Variants in UNC13A observed in about 807,000 individuals in gnomAD.
UNC13A encodes the protein protein unc-13 homolog A.
In UNC13A, 61 loss-of-function variants were observed where a neutral mutation model predicts 219.7. That is an observed-to-expected ratio of 0.28 (90% CI 0.23 to 0.34). UNC13A has a LOEUF of 0.34. UNC13A is among the 10% of genes least tolerant of loss of function. The probability of loss-of-function intolerance (pLI) is 1.00; values close to 1 mark genes in which losing one functional copy is unlikely to be tolerated. For synonymous variants in UNC13A, 920 were observed against 884.6 expected (o/e 1.04, Z -0.71); for missense variants, 1,476 against 2,270.3 (o/e 0.65, Z 7.11).
intron 1 of UNC13A, among the ~76,000 whole-genome samples, chr19:17,680,869 C>CTTTTTTTTTTTTTTTTT (rs71162171): frequency 9.4e-6 from 1 of 106,436 alleles, no homozygotes; most frequent in Non-Finnish European, 1.8e-5. Context: ...TCTTCTTCTT[C>CTTTTTTTTTTTTTTTTT]TTTTTTTTTC....
intron 12 of UNC13A, among the ~76,000 whole-genome samples, chr19:17,651,833 A>C (rs2079354605): frequency 6.6e-6 from 1 of 152,180 alleles, no homozygotes; most frequent in Non-Finnish European, 1.5e-5. Flanking sequence ...CCAAGGACGT[A>C]CAAGGAAGGT....
In UNC13A at chr19:17,649,349, A is replaced by G. The variant is rs1241714628; in HGVS notation, c.1519-5T>C. 2.5e-6 allele frequency: 4 copies of G among 1,596,194 alleles called. No homozygotes were observed. The East Asian group carries it at 6.8e-5, about 27-fold the overall frequency. On this transcript the variant is annotated splice_region_variant and splice_polypyrimidine_tract_variant and intron_variant, in intron 13 of 43. Coordinates refer to ENST00000519716, the MANE Select transcript of UNC13A (RefSeq NM_001080421.3). This position sits in a 1 kb window ranked among gnomAD's most constrained non-coding sequence, Gnocchi z 4.4. Reference sequence around the variant, plus strand: ...GTCGCCATCACTCACCATGGCCTGAAGTGTCCACGCAGCACATGGGGGTAG... The same window carrying G: ...GTCGCCATCACTCACCATGGCCTGAGGTGTCCACGCAGCACATGGGGGTAG...
At chr19:17,681,069 CTTTTTTTT>C (rs71929988) in intron 1 of UNC13A, among the ~76,000 whole-genome samples, 2 of 96,076 alleles carry the variant, frequency 2.1e-5, no homozygotes, top group Admixed American at 1.3e-4. Context: ...TTGGCTATTC[CTTTTTTTT>C]TTTTTTTTTT....
intron 4 of UNC13A, 43 bp from the exon 5 acceptor site, chr19:17,669,719 GTCACT>G (rs755743355): frequency 1.3e-6 from 2 of 1,572,014 alleles, no homozygotes; most frequent in East Asian, 4.6e-5. Context: ...GAATCTGCTG[GTCACT>G]AGTCCCCAGG....
chr19:17,624,237 G>A (rs950696513), intron 35 of UNC13A, among the ~76,000 whole-genome samples: 12 of 149,212 alleles, frequency 8.0e-5, no homozygotes, highest in African/African-American at 3.0e-4. Flanking sequence ...AACAGTTTTC[G>A]TGCCTCAGTT....
In UNC13A at chr19:17,605,915, A is replaced by G; in HGVS notation, c.*139T>C. 1 of 784,492 alleles carries G rather than the reference A, an allele frequency of 1.3e-6. No individual in the cohort carries two copies. Among genetic ancestry groups the G allele is most frequent in the Non-Finnish European group, 1.8e-6 (1 of 551,814 alleles). 48.6% of individuals were successfully genotyped at this position (784,492 alleles called of 1,614,324 possible). ...TTCCCCAAAAGGGAAAGCTGAGTCA[A>G]GGGCGTAGGCGCAGCCCACCCTTGG... On this transcript the variant is annotated 3_prime_UTR_variant, in exon 44 of 44. Transcript: ENST00000519716.
At chr19:17,639,036 T>C (rs1215625950) in intron 25 of UNC13A, 47 bp downstream of exon 25, 1 of 1,525,388 alleles carries the variant, frequency 6.6e-7, no homozygotes. Context: ...CTGAAGCCTG[T>C]GTCTAGTTGG....
chr19:17,622,889 C>T (rs2076743491), intron 36 of UNC13A: 1 of 152,240 alleles, frequency 6.6e-6, no homozygotes, highest in African/African-American at 2.4e-5. Flanking sequence ...AAGTGACTTC[C>T]CAAGGTCACA....
intron 29 of UNC13A, 90 bp downstream of exon 29, chr19:17,630,561 TACC>T (rs2076832155): frequency 4.5e-6 from 6 of 1,345,730 alleles, no homozygotes; most frequent in Non-Finnish European, 6.4e-6. Flanking sequence ...GGCGGACACC[TACC>T]AGAGACTGGC....
intron 41 of UNC13A, among the ~76,000 whole-genome samples, chr19:17,616,025 C>G (rs1599831199): frequency 6.6e-6 from 1 of 152,152 alleles, no homozygotes; most frequent in South Asian, 2.1e-4. Context: ...TTGACTGTCC[C>G]CATTTTACAG....
chr19:17,685,868 G>T (rs28508201), intron 1 of UNC13A, among the ~76,000 whole-genome samples: 36,794 of 151,820 alleles, frequency 0.24, 5,496 homozygotes, highest in African/African-American at 0.42. Context: ...CAGGCAACAC[G>T]GCAACCCATC....
chr19:17,644,199 G>A (rs538255385), intron 19 of UNC13A, among the ~76,000 whole-genome samples: 1 of 152,016 alleles, frequency 6.6e-6, no homozygotes, highest in South Asian at 2.1e-4. Flanking sequence ...GTGGTGGGGG[G>A]TCGGGGGGAC....
rs930124332 is a variant in UNC13A, at chr19:17,655,433, A to C, written c.1284-51T>G. The C allele has an allele frequency of 1.3e-5, 18 of 1,410,830 alleles. 1 individual carries two copies. The Admixed American group carries it at 3.6e-4, about 28-fold the overall frequency. 87.4% of individuals were successfully genotyped at this position (1,410,830 alleles called of 1,614,324 possible). ...CTGGGCTGGCTCTCCGTGACCCCTG[A>C]ACTTCCCTTGACCCTCCAGCTGTGC... On this transcript the variant is annotated intron_variant, in intron 10 of 43. Coordinates refer to ENST00000519716, the MANE Select transcript of UNC13A (RefSeq NM_001080421.3).
At chr19:17,688,045 G>A in intron 1 of UNC13A, 133 bp downstream of exon 1, 2 of 1,179,350 alleles carry the variant, frequency 1.7e-6, no homozygotes, top group Non-Finnish European at 2.3e-6. Context: ...GTCGACAAGG[G>A]CTACCCCTCT....
At chr19:17,644,406 C>A (rs2077002270) in intron 19 of UNC13A, among the ~76,000 whole-genome samples, 1 of 151,398 alleles carries the variant, frequency 6.6e-6, no homozygotes, top group African/African-American at 2.4e-5. Context: ...CCAGGCTGGT[C>A]TCGAACTCCT....
chr19:17,662,245 C>CAA (rs34355216), intron 8 of UNC13A, among the ~76,000 whole-genome samples: 3 of 136,296 alleles, frequency 2.2e-5, no homozygotes, highest in African/African-American at 5.4e-5. Flanking sequence ...GACTCTGTTT[C>CAA]AAAAAAAAAA....
intron 11 of UNC13A, among the ~76,000 whole-genome samples, chr19:17,653,615 C>T (rs1196319430): frequency 6.6e-6 from 1 of 151,832 alleles, no homozygotes; most frequent in Admixed American, 6.6e-5. Context: ...TCCCAAAGTG[C>T]TGGGATTACA....
intron 1 of UNC13A, among the ~76,000 whole-genome samples, chr19:17,677,642 C>G (rs2079925397): frequency 1.3e-5 from 2 of 152,196 alleles, no homozygotes. Context: ...GCTGGGATGA[C>G]AGGTGTGAGC....
chr19:17,616,726 A>T (rs1019029710), intron 41 of UNC13A, among the ~76,000 whole-genome samples: 1 of 152,150 alleles, frequency 6.6e-6, no homozygotes, highest in African/African-American at 2.4e-5. Context: ...CTGAGCTCAG[A>T]GACCCAGCGC....
Sources: gnomAD v4.1 joint callset for allele counts (sites outside exome capture counted in the v4.1 genomes callset) on GRCh38, gnomAD v4.1.1 for gene constraint, Gnocchi (gnomAD v3.1) non-coding constraint, MANE v1.5 for transcripts, NCBI Gene and HGNC (gene_info 2026-07-23, HGNC 2026-07-21) for gene names.